DRG1: variants seen among roughly 807,000 people sequenced by gnomAD.
DRG1 encodes the protein developmentally regulated GTP binding protein 1.
A neutral mutation model predicts 38.8 loss-of-function variants in DRG1; 19 were observed. That is an observed-to-expected ratio of 0.49 (90% CI 0.34 to 0.72). The LOEUF (loss-of-function observed/expected upper bound fraction) is 0.72. Ranked by LOEUF, DRG1 falls within the 30% of genes least tolerant of loss-of-function variation. The pLI, the probability that DRG1 is intolerant of heterozygous loss-of-function variation, is 0.01. For synonymous variants in DRG1, 167 were observed against 157.5 expected (o/e 1.06, Z -0.45); for missense variants, 299 against 444.8 (o/e 0.67, Z 2.95).
chr22:31,424,390 A>G (rs2050095702), intron 6 of DRG1, among the ~76,000 whole-genome samples: 1 of 150,700 alleles, frequency 6.6e-6, no homozygotes, highest in Non-Finnish European at 1.5e-5. Context: ...ACCTCAAGTG[A>G]TCCGCCTGCC....
chr22:31,425,793 A>G (rs1312857343), intron 6 of DRG1, among the ~76,000 whole-genome samples: 1 of 152,210 alleles, frequency 6.6e-6, no homozygotes, highest in Non-Finnish European at 1.5e-5. Flanking sequence ...AATTACTCAT[A>G]GCATTTGCAT....
intron 6 of DRG1, among the ~76,000 whole-genome samples, chr22:31,424,469 G>C (rs1385568371): frequency 7.0e-6 from 1 of 142,166 alleles, no homozygotes; most frequent in Non-Finnish European, 1.5e-5. Flanking sequence ...TATCTTAAAT[G>C]ATAGTGGGGC....
chr22:31,405,254 G>A (rs2049982653), intron 3 of DRG1, among the ~76,000 whole-genome samples: 1 of 150,460 alleles, frequency 6.6e-6, no homozygotes, highest in Non-Finnish European at 1.5e-5. Context: ...TGCAACCTCT[G>A]CCTCCAGGAT....
intron 4 of DRG1, among the ~76,000 whole-genome samples, chr22:31,418,101 C>T (rs1246433123): frequency 6.6e-6 from 1 of 151,762 alleles, no homozygotes; most frequent in African/African-American, 2.4e-5. Context: ...TCAAGACCAG[C>T]CTGAACAACA....
chr22:31,417,098 A>G (rs695582), intron 4 of DRG1, among the ~76,000 whole-genome samples: 140,484 of 151,716 alleles, frequency 0.93, 65,118 homozygotes, highest in East Asian at 0.99. Context: ...AAGGCCGGGC[A>G]TGGTGGCTCA....
chr22:31,406,115 C>T (rs1646888834), intron 3 of DRG1, among the ~76,000 whole-genome samples: 1 of 151,674 alleles, frequency 6.6e-6, no homozygotes, highest in South Asian at 2.1e-4. Flanking sequence ...GATTCTCCTG[C>T]CTCAGCCTCC....
At chr22:31,402,996 C>G in intron 2 of DRG1, 33 bp from the exon 3 acceptor site, 2 of 1,591,902 alleles carry the variant, frequency 1.3e-6, no homozygotes, top group Non-Finnish European at 1.7e-6. Flanking sequence ...TGGGGGATAA[C>G]TCTCCTCTTT....
At position 31,420,379 on chromosome 22, in the gene DRG1, T is replaced by C. The variant is rs772188007; in HGVS notation, c.536T>C (p.Ile179Thr). 5.0e-6 allele frequency: 8 copies of C among 1,614,144 alleles called. No individual in the cohort carries two copies. The highest frequency in any genetic ancestry group is 2.2e-5 in the East Asian group (1 of 44,882). The change falls in exon 5 of 9, where the codon ATT becomes ACT. Residue 179 changes from isoleucine (I) to threonine (T), a missense_variant. Transcript: ENST00000331457. ...CGCTTGAACAGCAAACCCCCCAACA[T>C]TGGCTTTAAGAAGAAGGACAAGGGA... The part of the protein sequence containing the change: ...GIRLNSKPPN[I>T]GFKKKDKGGI...
In DRG1 at chr22:31,420,256, T is replaced by C. The variant is rs760320234; in HGVS notation, c.413T>C (p.Val138Ala). Residue 138 changes from valine to alanine, a missense_variant and splice_region_variant, in exon 5 of 9, where the codon GTG becomes GCG. By Grantham distance (64) the Val-to-Ala change is moderately conservative (BLOSUM62 0). Transcript: ENST00000331457. ...CGTATGTTTTTTTCTTACTCTTCAGTGGCCCGAACCTGTAACTTGATCTTG... is the reference window on the plus strand; with the variant it reads ...CGTATGTTTTTTTCTTACTCTTCAGCGGCCCGAACCTGTAACTTGATCTTG... Reference protein sequence around the residue: ...GKGRGRQVIAVARTCNLILIV... With the variant: ...GKGRGRQVIAAARTCNLILIV... The C allele has an allele frequency of 3.1e-6, 5 of 1,612,558 alleles. No individual in the cohort carries two copies. Among genetic ancestry groups the C allele is most frequent in the South Asian group, 1.1e-5 (1 of 90,898 alleles).
intron 4 of DRG1, among the ~76,000 whole-genome samples, chr22:31,412,601 G>A (rs1021649391): frequency 1.3e-4 from 19 of 151,932 alleles, no homozygotes; most frequent in East Asian, 5.9e-4. Flanking sequence ...CGCCCGCCTC[G>A]GCCTCCCAAA....
intron 4 of DRG1, among the ~76,000 whole-genome samples, chr22:31,416,352 T>A (rs1414816807): frequency 6.6e-6 from 1 of 152,188 alleles, no homozygotes; most frequent in African/African-American, 2.4e-5. Context: ...CCATATTATT[T>A]GGGATGAGAC....
intron 3 of DRG1, among the ~76,000 whole-genome samples, chr22:31,407,006 A>G (rs774260592): frequency 6.6e-6 from 1 of 152,072 alleles, no homozygotes; most frequent in Non-Finnish European, 1.5e-5. Context: ...ATTTTGTATA[A>G]TGTTCCTCAA....
At chr22:31,412,270 G>T (rs2050022168) in intron 4 of DRG1, among the ~76,000 whole-genome samples, 1 of 149,406 alleles carries the variant, frequency 6.7e-6, no homozygotes, top group Admixed American at 6.7e-5. Flanking sequence ...GTGAGCCTCT[G>T]TGTTAGAAAA....
intron 4 of DRG1, among the ~76,000 whole-genome samples, chr22:31,418,355 G>A (rs185949198): frequency 3.9e-5 from 6 of 152,132 alleles, no homozygotes; most frequent in African/African-American, 1.4e-4. Context: ...TATTCAAGGA[G>A]ACTGAGGCAG....
chr22:31,408,520 A>G (rs1307800653), intron 3 of DRG1, among the ~76,000 whole-genome samples: 1 of 151,668 alleles, frequency 6.6e-6, no homozygotes, highest in Non-Finnish European at 1.5e-5. Context: ...GACTGACGCG[A>G]GCAGATCACT....
At chr22:31,409,811 C>T (rs142125928) in intron 3 of DRG1, among the ~76,000 whole-genome samples, 96 of 151,654 alleles carry the variant, frequency 6.3e-4, no homozygotes, top group Non-Finnish European at 9.9e-4. Flanking sequence ...CTGGGCAACA[C>T]GTCGAAACCC....
chr22:31,407,685 C>CAT (rs538559264), intron 3 of DRG1, among the ~76,000 whole-genome samples: 1 of 137,220 alleles, frequency 7.3e-6, no homozygotes, highest in Non-Finnish European at 1.6e-5. Flanking sequence ...TTTCATTTTT[C>CAT]TTTTTTTTTT....
At position 31,423,837 on chromosome 22, in the gene DRG1, T is replaced by C. The variant is rs1162313176; in HGVS notation, c.713+427T>C. Among the ~76,000 whole-genome samples the C allele has an allele frequency of 6.6e-5, 10 of 150,740 alleles. No individual in the cohort carries two copies. The South Asian group carries it at 1.9e-3, about 28-fold the overall frequency. On this transcript the variant is annotated intron_variant, in intron 6 of 8. Transcript: ENST00000331457. ...CCACTGTGTCCAGCCTGTGCTACTA[T>C]CTTAAATGATAGTGGGCTTTGGTTT...
In DRG1 at chr22:31,434,188, C is replaced by G. The variant is rs113707107; in HGVS notation, c.*217C>G. The stretch of plus-strand genomic sequence containing the variant: ...TGGTAGGCTGGTCAGCTACATGCAG[C>G]TCATGTGTCATTGTCAGAATTTGTT... On this transcript the variant is annotated 3_prime_UTR_variant, in exon 9 of 9. Transcript: ENST00000331457. 2 of 510,672 alleles carry G rather than the reference C, an allele frequency of 3.9e-6. No individual in the cohort carries two copies. The highest frequency in any genetic ancestry group is 7.0e-5 in the East Asian group (2 of 28,498). The allele number at this position is 510,672 out of a possible 1,614,324, so 31.6% of individuals were successfully genotyped here. A position where few individuals can be genotyped will look rare whatever the true frequency, so the allele number is the denominator to read the frequency against.
Sources: gnomAD v4.1 joint callset for allele counts (sites outside exome capture counted in the v4.1 genomes callset) on GRCh38, gnomAD v4.1.1 for gene constraint, MANE v1.5 for transcripts, NCBI Gene and HGNC (gene_info 2026-07-23, HGNC 2026-07-21) for gene names.